Variants in DHRS7 observed in about 807,000 individuals in gnomAD.
DHRS7 encodes dehydrogenase/reductase SDR family member 7.
Under a neutral mutation model 38.9 loss-of-function variants are expected in DHRS7, and 34 were observed. The ratio of observed to expected loss-of-function variants is 0.87; its 90% CI spans 0.66 to 1.16. DHRS7 has a LOEUF of 1.16. Among genes scored for constraint, DHRS7 ranks in the 50% most tolerant of loss-of-function variants. The probability of loss-of-function intolerance (pLI) is 0.00; values close to 1 mark genes in which losing one functional copy is unlikely to be tolerated. For synonymous variants in DHRS7, 158 were observed against 153.1 expected, an observed-to-expected ratio of 1.03 and a Z score of -0.24; for missense variants, 421 against 407.0, an observed-to-expected ratio of 1.03 and a Z score of -0.30.
At chr14:60,164,664 G>C (rs1219464333) in intron 1 of DHRS7, among the ~76,000 whole-genome samples, 2 of 152,308 alleles carry the variant, frequency 1.3e-5, no homozygotes, top group East Asian at 3.9e-4. Flanking sequence ...TGAGTAAGTA[G>C]GTGAAGGACT....
intron 1 of DHRS7, among the ~76,000 whole-genome samples, chr14:60,164,738 G>T (rs956950383): frequency 1.3e-5 from 2 of 152,214 alleles, no homozygotes; most frequent in African/African-American, 4.8e-5. Context: ...GACTACTTCA[G>T]GTAGTAGAAC....
At chr14:60,157,436 CAT>C (rs1214977963) in intron 1 of DHRS7, among the ~76,000 whole-genome samples, 1 of 152,166 alleles carries the variant, frequency 6.6e-6, no homozygotes, top group Non-Finnish European at 1.5e-5. Flanking sequence ...TACAGCAAAA[CAT>C]AGAACAGTCA....
chr14:60,155,217 G>A (rs900125719), intron 2 of DHRS7, among the ~76,000 whole-genome samples: 2 of 152,166 alleles, frequency 1.3e-5, no homozygotes, highest in African/African-American at 4.8e-5. Flanking sequence ...GGGAGGCCGA[G>A]GCAGGCAGAT....
upstream of DHRS7, among the ~76,000 whole-genome samples, chr14:60,166,941 G>T (rs892755954): frequency 1.3e-4 from 19 of 147,216 alleles, no homozygotes; most frequent in African/African-American, 4.2e-4. Context: ...CCTTGATAGA[G>T]AGTAGAAGGA....
At chr14:60,166,214 G>A, upstream of DHRS7, 1 of 985,054 alleles carries the variant, frequency 1.0e-6, no homozygotes, top group Non-Finnish European at 1.2e-6. Flanking sequence ...TGTATTTGAG[G>A]CATCAATAGT....
At chr14:60,159,494 T>C (rs567372637) in intron 1 of DHRS7, among the ~76,000 whole-genome samples, 5 of 152,342 alleles carry the variant, frequency 3.3e-5, no homozygotes, top group African/African-American at 1.2e-4. Context: ...TTCCATAAGT[T>C]TGTGTATTAT....
intron 1 of DHRS7, among the ~76,000 whole-genome samples, chr14:60,157,549 T>G (rs1896682670): frequency 6.6e-6 from 1 of 152,206 alleles, no homozygotes; most frequent in Non-Finnish European, 1.5e-5. Flanking sequence ...CTTAGCACAT[T>G]GTCTACTAAA....
At chr14:60,165,643 A>T (rs1179350784), upstream of DHRS7, 50 of 1,098,578 alleles carry the variant, frequency 4.6e-5, no homozygotes, top group Non-Finnish European at 5.4e-5. This position sits in a 1 kb window ranked among gnomAD's most constrained non-coding sequence, Gnocchi z 4.6. Context: ...AGTATTTTTA[A>T]AGAAGCTGAT....
At chr14:60,155,084 TATCTC>T (rs982066490) in intron 2 of DHRS7, among the ~76,000 whole-genome samples, 10 of 152,104 alleles carry the variant, frequency 6.6e-5, no homozygotes, top group African/African-American at 2.2e-4. Flanking sequence ...AATTCAAAAT[TATCTC>T]AGTTTAGGTA....
chr14:60,169,676 C>T (rs534353425), upstream of DHRS7: 3 of 152,386 alleles, frequency 2.0e-5, no homozygotes, highest in African/African-American at 7.2e-5. Context: ...TATTCTCTGT[C>T]ACTGTATGGA....
chr14:60,168,761 T>C (rs1169049873), upstream of DHRS7: 1 of 1,548,632 alleles, frequency 6.5e-7, no homozygotes, highest in South Asian at 1.2e-5. Flanking sequence ...AAAACAAAAT[T>C]CTTTCTTGCT....
rs1896602132 is a variant in DHRS7 at position 60,153,904 on chromosome 14, A to G, written c.393+55T>C. Reference sequence around the variant, plus strand: ...TTGTATGACAGCACCACGGATGGGAATCTCTTCTGCAGTTACTTCAAAGCA... The same window carrying G: ...TTGTATGACAGCACCACGGATGGGAGTCTCTTCTGCAGTTACTTCAAAGCA... On this transcript the variant is annotated intron_variant, in intron 3 of 6. Coordinates refer to ENST00000557185, the MANE Select transcript of DHRS7 (RefSeq NM_016029.4). This position sits in a 1 kb window ranked among gnomAD's most constrained non-coding sequence, Gnocchi z 4.4. 2.1e-5 allele frequency: 24 copies of G among 1,145,584 alleles called. No individual in the cohort carries two copies. The highest frequency in any genetic ancestry group is 2.9e-5 in the Non-Finnish European group (22 of 762,998). The allele number at this position is 1,145,584 out of a possible 1,614,324, so 71.0% of individuals were successfully genotyped here.
At position 60,149,357 on chromosome 14, in the gene DHRS7, C is replaced by G; in HGVS notation, c.968G>C (p.Gly323Ala). 1.2e-6 allele frequency: 2 copies of G among 1,614,032 alleles called. No individual in the cohort carries two copies. Among genetic ancestry groups the G allele is most frequent in the Non-Finnish European group, 1.7e-6 (2 of 1,179,924 alleles). ...GKKRIENFKSGVDADSSYFKI... is the reference protein window; with the variant it reads ...GKKRIENFKSAVDADSSYFKI... ...AAACTTAGAAATTGGTCTTACCACA[C>G]CACTCTTAAAGTTCTCAATCCTTTT... is the stretch of plus-strand genomic sequence containing the variant. Residue 323 changes from glycine to alanine, a missense_variant, in exon 6 of 7, where the codon GGT becomes GCT. By Grantham distance (60) the Gly-to-Ala change is moderately conservative. Coordinates refer to ENST00000557185, the MANE Select transcript of DHRS7 (RefSeq NM_016029.4).
intron 1 of DHRS7, among the ~76,000 whole-genome samples, chr14:60,164,133 G>A (rs947483658): frequency 1.3e-5 from 2 of 151,514 alleles, no homozygotes; most frequent in East Asian, 1.9e-4. Context: ...ATATTTTCTC[G>A]GGTGGGGTTA....
chr14:60,147,973 C>G (rs1183576603), intron 6 of DHRS7: 1 of 152,220 alleles, frequency 6.6e-6, no homozygotes, highest in African/African-American at 2.4e-5. Flanking sequence ...TCTACCCACA[C>G]TACCAAGTCC....
chr14:60,157,368 G>C (rs1383172070), intron 1 of DHRS7, among the ~76,000 whole-genome samples: 4 of 152,182 alleles, frequency 2.6e-5, no homozygotes, highest in African/African-American at 9.6e-5. Flanking sequence ...TACATACTCA[G>C]TGTTTAATAA....
At chr14:60,163,640 T>A (rs548963955) in intron 1 of DHRS7, among the ~76,000 whole-genome samples, 5 of 152,344 alleles carry the variant, frequency 3.3e-5, no homozygotes, top group Non-Finnish European at 7.3e-5. Flanking sequence ...TTTTCAATGA[T>A]CTTAACTTTT....
intron 5 of DHRS7, among the ~76,000 whole-genome samples, chr14:60,149,794 G>C (rs1372316750): frequency 6.6e-6 from 1 of 151,694 alleles, no homozygotes; most frequent in Non-Finnish European, 1.5e-5. Flanking sequence ...CTAACTAAAA[G>C]ATGAAGATTC....
At chr14:60,163,019 A>G (rs915056381) in intron 1 of DHRS7, among the ~76,000 whole-genome samples, 2 of 151,964 alleles carry the variant, frequency 1.3e-5, no homozygotes, top group African/African-American at 4.8e-5. Flanking sequence ...AAAATACAAA[A>G]CTTACCCATG....
Sources: gnomAD v4.1 joint callset for allele counts (sites outside exome capture counted in the v4.1 genomes callset) on GRCh38, gnomAD v4.1.1 for gene constraint, Gnocchi (gnomAD v3.1) non-coding constraint, MANE v1.5 for transcripts, NCBI Gene and HGNC (gene_info 2026-07-23, HGNC 2026-07-21) for gene names.